Variants in GFOD1 observed in about 807,000 individuals in gnomAD.
The protein encoded by GFOD1 is glucose-fructose oxidoreductase domain-containing protein 1.
GFOD1 carries 9 observed loss-of-function variants against 25.4 expected under a neutral mutation model. The ratio of observed to expected loss-of-function variants is 0.35; its 90% confidence interval spans 0.21 to 0.62. GFOD1 has a LOEUF of 0.62. Ranked by LOEUF, GFOD1 falls within the 20% of genes least tolerant of loss-of-function variation. The pLI, the probability that GFOD1 is intolerant of heterozygous loss-of-function variation, is 0.72. For synonymous variants in GFOD1, 253 were observed against 245.6 expected (o/e 1.03, Z -0.28); for missense variants, 403 against 556.9 (o/e 0.72, Z 2.78).
intron 1 of GFOD1, chr6:13,469,829 A>T (rs879749057): frequency 2.1e-5 from 24 of 1,128,754 alleles, no homozygotes; most frequent in Non-Finnish European, 2.5e-5. Flanking sequence ...AAATGTCCAC[A>T]TTGGAGGTTG....
intron 1 of GFOD1, among the ~76,000 whole-genome samples, chr6:13,374,273 T>TTGTGTGTGTGTGTG (rs567594703): frequency 2.2e-5 from 3 of 134,406 alleles, no homozygotes; most frequent in Admixed American, 7.6e-5. Flanking sequence ...TGTTTTTTTT[T>TTGTGTGTGTGTGTG]TGTGTGTGTG....
intron 1 of GFOD1, among the ~76,000 whole-genome samples, chr6:13,399,523 T>A (rs1785802228): frequency 6.6e-6 from 1 of 152,204 alleles, no homozygotes; most frequent in Non-Finnish European, 1.5e-5. Flanking sequence ...GATACCTTCA[T>A]AAAATAGAAT....
chr6:13,440,811 C>T (rs2127571939), intron 1 of GFOD1, among the ~76,000 whole-genome samples: 1 of 152,240 alleles, frequency 6.6e-6, no homozygotes, highest in East Asian at 1.9e-4. Flanking sequence ...TAAAATAGTG[C>T]TTATTTTGTT....
At chr6:13,448,146 G>C (rs1290899501) in intron 1 of GFOD1, among the ~76,000 whole-genome samples, 1 of 152,192 alleles carries the variant, frequency 6.6e-6, no homozygotes, top group East Asian at 1.9e-4. Flanking sequence ...CAGGGAACAA[G>C]ACCATGCTTG....
intron 1 of GFOD1, among the ~76,000 whole-genome samples, chr6:13,429,354 G>A (rs9382079): frequency 0.96 from 145,725 of 152,326 alleles, 70,056 homozygotes; most frequent in Middle Eastern, 1. Flanking sequence ...TTGTTTATAT[G>A]CCATCAACCA....
intron 1 of GFOD1, among the ~76,000 whole-genome samples, chr6:13,381,472 C>T (rs1348167723): frequency 1.3e-5 from 2 of 152,184 alleles, no homozygotes; most frequent in Admixed American, 6.5e-5. Flanking sequence ...GAAAAGGGTC[C>T]CAGCGGAGCT....
intron 1 of GFOD1, among the ~76,000 whole-genome samples, chr6:13,413,679 G>T (rs1786116810): frequency 6.6e-6 from 1 of 152,152 alleles, no homozygotes; most frequent in Non-Finnish European, 1.5e-5. Flanking sequence ...TGCCCTCCAA[G>T]GCTGCCCCAG....
At chr6:13,421,219 C>T (rs73366949) in intron 1 of GFOD1, among the ~76,000 whole-genome samples, 2 of 152,138 alleles carry the variant, frequency 1.3e-5, no homozygotes, top group African/African-American at 4.8e-5. Flanking sequence ...CAGGCATGTT[C>T]GCTCATGCTT....
chr6:13,452,221 T>C (rs776163762), intron 1 of GFOD1, among the ~76,000 whole-genome samples: 2 of 152,132 alleles, frequency 1.3e-5, no homozygotes, highest in African/African-American at 4.8e-5. Flanking sequence ...AGGGGGAGGA[T>C]GCTGTAGTGG....
intron 1 of GFOD1, among the ~76,000 whole-genome samples, chr6:13,391,654 T>C (rs1785615590): frequency 6.6e-6 from 1 of 151,954 alleles, no homozygotes; most frequent in Non-Finnish European, 1.5e-5. Context: ...GTAGAGAATA[T>C]TGGGAAAGGA....
intron 1 of GFOD1, among the ~76,000 whole-genome samples, chr6:13,483,063 T>C (rs1758788723): frequency 6.6e-6 from 1 of 152,162 alleles, no homozygotes. Context: ...CAGTCTTCAC[T>C]GTGTACTTTT....
At chr6:13,455,475 C>T (rs1758172190) in intron 1 of GFOD1, among the ~76,000 whole-genome samples, 1 of 152,158 alleles carries the variant, frequency 6.6e-6, no homozygotes, top group African/African-American at 2.4e-5. Context: ...GATGCGAACA[C>T]AGGTTATTCT....
intron 1 of GFOD1, among the ~76,000 whole-genome samples, chr6:13,485,712 C>A (rs28718962): frequency 4.6e-5 from 7 of 152,168 alleles, no homozygotes; most frequent in African/African-American, 1.7e-4. Context: ...GATGGTGAGG[C>A]ACCCTGAACT....
chr6:13,428,474 A>T (rs1757683783), intron 1 of GFOD1, among the ~76,000 whole-genome samples: 1 of 150,246 alleles, frequency 6.7e-6, no homozygotes, highest in Non-Finnish European at 1.5e-5. Flanking sequence ...TGACATTTCC[A>T]TTTTCCATCA....
rs1784950407 is a variant in GFOD1 at position 13,361,777 on chromosome 6, T to C, written c.*2966A>G. On this transcript the variant is annotated 3_prime_UTR_variant, in exon 2 of 2. Transcript: ENST00000379287. ...TACCTACTACATGCATTTCAGTAGA[T>C]AAAATTTGAGTACACACACTAAAAT... 6.6e-6 allele frequency: 1 copy of C among 152,240 alleles called. No individual in the cohort carries two copies. Among genetic ancestry groups the C allele is most frequent in the South Asian group, 2.1e-4 (1 of 4,836 alleles). 9.4% of individuals were successfully genotyped at this position (152,240 alleles called of 1,614,324 possible).
chr6:13,385,773 T>C (rs1785461503), intron 1 of GFOD1, among the ~76,000 whole-genome samples: 1 of 152,202 alleles, frequency 6.6e-6, no homozygotes, highest in Non-Finnish European at 1.5e-5. Context: ...ACCTGCCTTC[T>C]TCAAGGGCTT....
intron 1 of GFOD1, among the ~76,000 whole-genome samples, chr6:13,418,180 C>G (rs1243187773): frequency 1.3e-5 from 2 of 152,156 alleles, no homozygotes; most frequent in African/African-American, 4.8e-5. Context: ...AGCCATTCAC[C>G]TACTTAGTAA....
intron 1 of GFOD1, among the ~76,000 whole-genome samples, chr6:13,368,370 C>A (rs763025627): frequency 1.4e-4 from 21 of 152,210 alleles, no homozygotes; most frequent in Non-Finnish European, 2.4e-4. Context: ...AGGACTGAGG[C>A]TCCGGCAGAG....
At chr6:13,424,627 T>G (rs764485712) in intron 1 of GFOD1, among the ~76,000 whole-genome samples, 18 of 152,250 alleles carry the variant, frequency 1.2e-4, no homozygotes, top group African/African-American at 4.3e-4. Flanking sequence ...ATCATTATTT[T>G]GTTTTAAGAA....
Sources: allele counts gnomAD v4.1 joint callset (sites outside exome capture counted in the v4.1 genomes callset), GRCh38; gene constraint gnomAD v4.1.1; transcripts MANE v1.5; gene names NCBI Gene and HGNC (gene_info 2026-07-23, HGNC 2026-07-21).